PTPRD: variants seen among roughly 807,000 people sequenced by gnomAD.
PTPRD encodes protein tyrosine phosphatase receptor type D, also known as receptor-type tyrosine-protein phosphatase delta.
Under a neutral mutation model 214.5 loss-of-function variants are expected in PTPRD, and 34 were observed. The ratio of observed to expected loss-of-function variants is 0.16; its 90% CI spans 0.12 to 0.21. The LOEUF (loss-of-function observed/expected upper bound fraction) is 0.21. Among genes scored for constraint, PTPRD ranks in the 10% least tolerant of loss-of-function variants. PTPRD has a pLI of 1.00. For synonymous variants in PTPRD, 1,128 were observed against 845.7 expected (o/e 1.33, Z -5.79); for missense variants, 2,545 against 2,398.7 (o/e 1.06, Z -1.27).
intron 2 of PTPRD, among the ~76,000 whole-genome samples, chr9:10,556,381 G>T (rs901777904): frequency 1.3e-5 from 2 of 151,712 alleles, no homozygotes; most frequent in African/African-American, 4.8e-5. Context: ...TACAAATGGG[G>T]GATATTATGA....
chr9:8,471,016 T>C lies in PTPRD; in HGVS notation c.3483A>G (p.Pro1161=). Residue 1161 remains proline, a synonymous_variant, in exon 31 of 46, where the codon CCA becomes CCG. Transcript: ENST00000381196. ...TTACCTCATCTAATTCCATTTCATC[T>C]GGACTCTCCCATGGCTTGATAAATT... is the stretch of plus-strand genomic sequence containing the variant. ...RGKFIKPWES[P]DEMELDELLK... is the part of the protein sequence containing the mutation. 6.2e-7 allele frequency: 1 copy of C among 1,613,292 alleles called. No homozygotes were observed. The highest frequency in any genetic ancestry group is 8.5e-7 in the Non-Finnish European group (1 of 1,179,356).
chr9:9,961,316 T>A (rs1197831513), intron 4 of PTPRD, among the ~76,000 whole-genome samples: 1 of 152,198 alleles, frequency 6.6e-6, no homozygotes, highest in Non-Finnish European at 1.5e-5. Flanking sequence ...CATGCCTTTG[T>A]CATCTGTTCC....
chr9:10,127,313 C>T (rs2098827335), intron 3 of PTPRD, among the ~76,000 whole-genome samples: 1 of 152,120 alleles, frequency 6.6e-6, no homozygotes, highest in African/African-American at 2.4e-5. Context: ...TGTTAGTTGT[C>T]TTTCCATTAT....
At chr9:10,472,721 C>G (rs1184668154) in intron 2 of PTPRD, among the ~76,000 whole-genome samples, 1 of 151,972 alleles carries the variant, frequency 6.6e-6, no homozygotes, top group Non-Finnish European at 1.5e-5. Flanking sequence ...ACCTAGGTAG[C>G]TAGAATTCTC....
chr9:9,939,140 A>T (rs547715784), intron 4 of PTPRD, among the ~76,000 whole-genome samples: 1 of 152,190 alleles, frequency 6.6e-6, no homozygotes, highest in East Asian at 1.9e-4. Context: ...AAGAACACTG[A>T]TGTTTTCTCA....
At chr9:8,424,688 G>GA (rs35532131) in intron 35 of PTPRD, among the ~76,000 whole-genome samples, 152,050 of 152,070 alleles carry the variant, frequency 1, 76,015 homozygotes, top group Middle Eastern at 1. Context: ...GGACTGGGAA[G>GA]AAAAGGGAAG....
intron 6 of PTPRD, among the ~76,000 whole-genome samples, chr9:9,760,571 C>T (rs1159245170): frequency 7.2e-6 from 1 of 139,420 alleles, no homozygotes; most frequent in African/African-American, 2.6e-5. Flanking sequence ...GAGATCTCTT[C>T]TTCCCCATCA....
chr9:9,534,976 C>T (rs896083771), intron 8 of PTPRD, among the ~76,000 whole-genome samples: 6 of 152,002 alleles, frequency 3.9e-5, no homozygotes, highest in African/African-American at 1.4e-4. Flanking sequence ...AACAAGTTCC[C>T]ACCGTTATGA....
At chr9:9,193,999 A>T (rs568939194) in intron 9 of PTPRD, among the ~76,000 whole-genome samples, 59 of 152,278 alleles carry the variant, frequency 3.9e-4, no homozygotes, top group Admixed American at 7.2e-4. Flanking sequence ...GTACAAAAAT[A>T]TTTTATTTCT....
At chr9:9,739,663 C>G (rs1212725235) in intron 6 of PTPRD, among the ~76,000 whole-genome samples, 1 of 151,336 alleles carries the variant, frequency 6.6e-6, no homozygotes, top group African/African-American at 2.4e-5. Context: ...TGTTGATCCC[C>G]TCTGTTGTAT....
intron 8 of PTPRD, among the ~76,000 whole-genome samples, chr9:9,424,261 A>G (rs2079965444): frequency 6.6e-6 from 1 of 152,162 alleles, no homozygotes; most frequent in African/African-American, 2.4e-5. Context: ...ATAAATGCTA[A>G]TGCTGAGGGC....
intron 14 of PTPRD, among the ~76,000 whole-genome samples, chr9:8,563,435 A>G (rs939325870): frequency 7.0e-6 from 1 of 142,546 alleles, no homozygotes; most frequent in Non-Finnish European, 1.5e-5. Context: ...TTTGATGTAG[A>G]CTTTTTTTTT....
rs115274722 is a variant in PTPRD, at chr9:8,392,885, T to C, written c.4211-3478A>G. On this transcript the variant is annotated intron_variant, in intron 36 of 45. Coordinates refer to ENST00000381196, the MANE Select transcript of PTPRD (RefSeq NM_002839.4). ...CAGAAAGATGAAGGAGAAAAAATTT[T>C]AGAAAGGATGGTGGTGTGTCCTAAA... is the stretch of plus-strand genomic sequence containing the variant. Among the ~76,000 whole-genome samples, 701 of 152,230 alleles carry C rather than the reference T, an allele frequency of 4.6e-3. 4 individuals carry two copies. Among genetic ancestry groups the C allele is most frequent in the African/African-American group, 0.016 (673 of 41,558 alleles).
intron 8 of PTPRD, among the ~76,000 whole-genome samples, chr9:9,502,678 A>G (rs1325174043): frequency 6.6e-6 from 1 of 151,906 alleles, no homozygotes; most frequent in Admixed American, 6.6e-5. Flanking sequence ...CAAACTGTAA[A>G]CAACCCAGAT....
chr9:10,449,380 C>G (rs548720085), intron 2 of PTPRD, among the ~76,000 whole-genome samples: 2 of 151,864 alleles, frequency 1.3e-5, no homozygotes, highest in African/African-American at 2.4e-5. Flanking sequence ...GCGTGATCTC[C>G]GCTCGCTACA....
chr9:10,264,685 C>G (rs146655502), intron 3 of PTPRD, among the ~76,000 whole-genome samples: 6 of 151,956 alleles, frequency 3.9e-5, no homozygotes, highest in African/African-American at 1.5e-4. Flanking sequence ...GAGTTAATGC[C>G]GAAATTAGTT....
chr9:8,359,417 C>T (rs1022724100), intron 39 of PTPRD, among the ~76,000 whole-genome samples: 4 of 151,906 alleles, frequency 2.6e-5, no homozygotes, highest in African/African-American at 7.3e-5. Flanking sequence ...TTCCACCTCC[C>T]AGGTTCAAGC....
chr9:8,708,338 A>G (rs984846532), intron 12 of PTPRD, among the ~76,000 whole-genome samples: 1 of 152,146 alleles, frequency 6.6e-6, no homozygotes, highest in Non-Finnish European at 1.5e-5. Context: ...AAATTAGTAC[A>G]GCCATTATAG....
At chr9:8,643,112 A>G (rs777535795) in intron 12 of PTPRD, among the ~76,000 whole-genome samples, 1 of 151,886 alleles carries the variant, frequency 6.6e-6, no homozygotes, top group East Asian at 1.9e-4. Context: ...AAAATTGTTT[A>G]TGGTATTTCT....
Sources: gnomAD v4.1 joint callset for allele counts (sites outside exome capture counted in the v4.1 genomes callset) on GRCh38, gnomAD v4.1.1 for gene constraint, MANE v1.5 for transcripts, NCBI Gene and HGNC (gene_info 2026-07-23, HGNC 2026-07-21) for gene names.